Variants in DPYD observed in about 807,000 individuals in gnomAD.
DPYD encodes the protein dihydropyrimidine dehydrogenase.
In DPYD, 109 loss-of-function variants were observed where a neutral mutation model predicts 116.2. That is an observed-to-expected ratio of 0.94 (90% confidence interval 0.80 to 1.10). DPYD has a LOEUF of 1.10. Among genes scored for constraint, DPYD ranks in the 50% least tolerant of loss-of-function variants. The pLI is 0.00. For synonymous variants in DPYD, 440 were observed against 432.0 expected, an observed-to-expected ratio of 1.02 and a Z score of -0.23; for missense variants, 1,302 against 1,254.5, an observed-to-expected ratio of 1.04 and a Z score of -0.57.
At chr1:97,612,811 T>C (rs1269667745) in intron 8 of DPYD, among the ~76,000 whole-genome samples, 1 of 152,002 alleles carries the variant, frequency 6.6e-6, no homozygotes, top group Non-Finnish European at 1.5e-5. Flanking sequence ...CTGCCCCCAG[T>C]GCTGAGCAAG....
At chr1:97,788,670 C>T (rs1400811382) in intron 3 of DPYD, among the ~76,000 whole-genome samples, 1 of 152,180 alleles carries the variant, frequency 6.6e-6, no homozygotes, top group Non-Finnish European at 1.5e-5. Context: ...TCAAGGAGTA[C>T]ATAGGCCTAT....
At chr1:97,159,802 T>A (rs1164561243) in intron 20 of DPYD, among the ~76,000 whole-genome samples, 3 of 152,016 alleles carry the variant, frequency 2.0e-5, no homozygotes, top group African/African-American at 7.2e-5. Flanking sequence ...TATTAGAATG[T>A]TAAATAGGAA....
intron 20 of DPYD, among the ~76,000 whole-genome samples, chr1:97,110,390 G>A (rs969382903): frequency 6.6e-6 from 1 of 151,918 alleles, no homozygotes; most frequent in Non-Finnish European, 1.5e-5. Flanking sequence ...ACTAAGAGAG[G>A]TATCCTATGT....
At position 97,723,834 on chromosome 1, in the gene DPYD, C is replaced by T. The variant is rs968697325; in HGVS notation, c.322-2163G>A. On this transcript the variant is annotated intron_variant, in intron 4 of 22. Coordinates refer to ENST00000370192, the MANE Select transcript of DPYD (RefSeq NM_000110.4). ...TGAAAGATTATATTTACCTCATTAACAAATACAGAATAAAGATAGTAAAAT... is the reference window on the plus strand; with the variant it reads ...TGAAAGATTATATTTACCTCATTAATAAATACAGAATAAAGATAGTAAAAT... Among the ~76,000 whole-genome samples, 20 of 151,512 alleles carry T rather than the reference C, an allele frequency of 1.3e-4. No individual in the cohort carries two copies. In the Admixed American group the frequency reaches 1.3e-3, roughly 10 times the overall value.
intron 19 of DPYD, among the ~76,000 whole-genome samples, chr1:97,217,747 C>T (rs1028590341): frequency 2.0e-5 from 3 of 151,988 alleles, no homozygotes; most frequent in African/African-American, 7.3e-5. Flanking sequence ...AGTTGATATT[C>T]ATTTTACAAG....
intron 19 of DPYD, among the ~76,000 whole-genome samples, chr1:97,214,950 C>G (rs914987028): frequency 3.9e-5 from 6 of 152,218 alleles, no homozygotes; most frequent in African/African-American, 1.4e-4. Context: ...CTTTCTACCA[C>G]CCTGAGCTAA....
chr1:97,312,178 G>A (rs1667559374), intron 16 of DPYD, among the ~76,000 whole-genome samples: 1 of 151,786 alleles, frequency 6.6e-6, no homozygotes, highest in Non-Finnish European at 1.5e-5. Context: ...AATATGAAAA[G>A]ACATCGAATC....
intron 3 of DPYD, chr1:97,797,166 G>T (rs1360319789): frequency 6.6e-6 from 1 of 152,024 alleles, no homozygotes; most frequent in Non-Finnish European, 1.5e-5. Context: ...CATTTATCTT[G>T]CTTTCTTTTC....
intron 15 of DPYD, among the ~76,000 whole-genome samples, 199 bp downstream of exon 15, chr1:97,382,194 G>C (rs556546148): frequency 1.3e-5 from 2 of 152,204 alleles, no homozygotes; most frequent in South Asian, 4.1e-4. Context: ...CGCTTTTATA[G>C]AATAAATTCC....
intron 20 of DPYD, among the ~76,000 whole-genome samples, chr1:97,134,644 A>C (rs1653646827): frequency 6.6e-6 from 1 of 152,198 alleles, no homozygotes; most frequent in Admixed American, 6.5e-5. Context: ...TAAATCTTAA[A>C]ATATCAGTAG....
chr1:97,292,496 C>T (rs1051580303), intron 18 of DPYD, among the ~76,000 whole-genome samples: 1 of 152,086 alleles, frequency 6.6e-6, no homozygotes, highest in Non-Finnish European at 1.5e-5. Flanking sequence ...GGTAACTGCC[C>T]CCATGATTCA....
chr1:97,414,460 T>G (rs1029813796), intron 14 of DPYD, among the ~76,000 whole-genome samples: 2 of 152,202 alleles, frequency 1.3e-5, no homozygotes, highest in African/African-American at 2.4e-5. Context: ...ACATTTCATG[T>G]ATTATAGGAC....
At chr1:97,116,442 G>T (rs1651971922) in intron 20 of DPYD, among the ~76,000 whole-genome samples, 1 of 152,114 alleles carries the variant, frequency 6.6e-6, no homozygotes, top group Non-Finnish European at 1.5e-5. Flanking sequence ...GGGGGCCAAG[G>T]AAGGCAGATT....
intron 10 of DPYD, among the ~76,000 whole-genome samples, chr1:97,576,650 A>T (rs1653283591): frequency 6.6e-6 from 1 of 152,166 alleles, no homozygotes; most frequent in African/African-American, 2.4e-5. Context: ...ATTTTTGAGG[A>T]CCTTGTATAA....
chr1:97,343,172 G>A (rs778005737), intron 16 of DPYD, among the ~76,000 whole-genome samples: 15 of 152,244 alleles, frequency 9.9e-5, no homozygotes, highest in Middle Eastern at 6.8e-3. Flanking sequence ...TTGTTTGAAT[G>A]TGACAGATCA....
intron 2 of DPYD, among the ~76,000 whole-genome samples, chr1:97,882,384 G>A (rs4411156): frequency 1 from 152,070 of 152,122 alleles, 76,009 homozygotes; most frequent in Non-Finnish European, 1. Context: ...CACACCCTCA[G>A]TTTCCATCCT....
At chr1:97,800,148 T>C (rs904758857) in intron 3 of DPYD, among the ~76,000 whole-genome samples, 3 of 151,980 alleles carry the variant, frequency 2.0e-5, no homozygotes, top group Non-Finnish European at 2.9e-5. Context: ...TAATAATACC[T>C]ACTTCATAGG....
In DPYD at chr1:97,325,073, G is replaced by T. The variant is rs114476288; in HGVS notation, c.2059-18776C>A. Among the ~76,000 whole-genome samples the T allele has an allele frequency of 4.6e-3, 703 of 152,116 alleles. 10 individuals are homozygous for T. Among genetic ancestry groups the T allele is most frequent in the African/African-American group, 0.016 (654 of 41,522 alleles). On this transcript the variant is annotated intron_variant, in intron 16 of 22. Coordinates refer to ENST00000370192, the MANE Select transcript of DPYD (RefSeq NM_000110.4). ...TTCATGGGGGAAAAAAATCTTTAAA[G>T]TGCTTGATATACAAAATCATATTAG... is the stretch of plus-strand genomic sequence containing the variant.
chr1:97,404,663 T>C (rs1169160951), intron 14 of DPYD, among the ~76,000 whole-genome samples: 1 of 152,134 alleles, frequency 6.6e-6, no homozygotes, highest in Non-Finnish European at 1.5e-5. Context: ...CATTTACTTA[T>C]AATCTATGTG....
Sources: allele counts gnomAD v4.1 joint callset (sites outside exome capture counted in the v4.1 genomes callset), GRCh38; gene constraint gnomAD v4.1.1; transcripts MANE v1.5; gene names NCBI Gene and HGNC (gene_info 2026-07-23, HGNC 2026-07-21).